Variants in CHTF18 observed in about 807,000 individuals in gnomAD.
CHTF18 encodes chromosome transmission fidelity protein 18 homolog.
A neutral mutation model predicts 113.4 loss-of-function variants in CHTF18; 151 were observed. The observed-to-expected ratio is 1.33, with a 90% CI of 1.17 to 1.52. The LOEUF (loss-of-function observed/expected upper bound fraction) is 1.52, where lower values mean the gene tolerates loss of function less well. Ranked by LOEUF, CHTF18 falls within the 40% of genes most tolerant of loss-of-function variation. CHTF18 has a pLI of 0.00. For synonymous variants in CHTF18, 916 were observed against 598.8 expected (o/e 1.53, Z -7.74); for missense variants, 1,982 against 1,381.6 (o/e 1.43, Z -6.89).
Position 793,223 on chromosome 16 carries a change from G to T in CHTF18, c.1751G>T (p.Arg584Ile). The change falls in exon 14 of 22, where the codon AGA (arginine) becomes ATA (isoleucine). Residue 584 changes from arginine to isoleucine, a missense_variant. Transcript: ENST00000262315. The stretch of plus-strand genomic sequence containing the variant: ...CGCGTGGGCCTCAAGGACCAGCGCA[G>T]AGGGCTCTTCTCGGTGTGGCAGGAG... ...ATRVGLKDQR[R>I]GLFSVWQEVF... The T allele has an allele frequency of 6.2e-7, 1 of 1,609,638 alleles. No homozygotes were observed.
rs755778143 is a variant in CHTF18, at chr16:796,045, G to A, written c.2424G>A (p.Thr808=). Reference sequence around the variant, plus strand: ...GCCTGACCTACCGCCAGGAGCGCACGCCCGATGGCCAGTACATCTACAGGC... The same window carrying A: ...GCCTGACCTACCGCCAGGAGCGCACACCCGATGGCCAGTACATCTACAGGC... ...AYSLTYRQER[T]PDGQYIYRLE... The change falls in exon 18 of 22, where the codon ACG becomes ACA. Residue 808 remains threonine, a synonymous_variant. Coordinates refer to ENST00000262315, the MANE Select transcript of CHTF18 (RefSeq NM_022092.3). 11 of 1,604,518 alleles carry A rather than the reference G, an allele frequency of 6.9e-6. No individual in the cohort carries two copies. Among genetic ancestry groups the A allele is most frequent in the Admixed American group, 1.7e-5 (1 of 59,130 alleles).
Position 792,340 on chromosome 16 carries a change from C to T in CHTF18, c.1319C>T (p.Ala440Val). Residue 440 changes from alanine (A) to valine (V), a missense_variant, in exon 10 of 22, where the codon GCC becomes GTC. Ala to Val is a moderately conservative substitution (Grantham distance 64). Transcript: ENST00000262315. ...NCLVIDEIDG[A>V]PVAAINVLLS... ...CTGGTCATCGATGAGATCGACGGGG[C>T]CCCCGTGGTGGGCTCCTTGATGCCT... 6.4e-6 allele frequency: 10 copies of T among 1,554,132 alleles called. No individual in the cohort carries two copies. The highest frequency in any genetic ancestry group is 5.2e-6 in the Non-Finnish European group (6 of 1,149,350).
rs372307395 is a variant in CHTF18, at chr16:797,828, T to C, written c.2792-11T>C. The C allele has an allele frequency of 5.0e-6, 8 of 1,597,788 alleles. No homozygotes were observed. The African/African-American group carries it at 6.7e-5, about 13-fold the overall frequency. ...GCCTTACAGCTGAGGAGCAACCCTG[T>C]GGCCCCGCAGGGGACACGGCCCCGG... is the stretch of plus-strand genomic sequence containing the variant. On this transcript the variant is annotated splice_polypyrimidine_tract_variant and intron_variant, in intron 21 of 21. Coordinates refer to ENST00000262315, the MANE Select transcript of CHTF18 (RefSeq NM_022092.3).
chr16:792,634 C>T (rs772465581), intron 11 of CHTF18, 44 bp downstream of exon 11: 6 of 1,590,904 alleles, frequency 3.8e-6, no homozygotes, highest in Non-Finnish European at 5.1e-6. Context: ...GGCTCTGGTG[C>T]CTGGAGGGAG....
At chr16:796,362 T>G (rs1187486669) in intron 18 of CHTF18, among the ~76,000 whole-genome samples, 2 of 151,880 alleles carry the variant, frequency 1.3e-5, no homozygotes, top group Admixed American at 6.5e-5. Flanking sequence ...TTTCCAACAC[T>G]CCGTTTCCCG....
In CHTF18 at chr16:796,693, C is replaced by G. The variant is rs766015037; in HGVS notation, c.2457-24C>G. On this transcript the variant is annotated intron_variant, in intron 18 of 21. Transcript: ENST00000262315. Reference sequence around the variant, plus strand: ...CTGAGCCTGGCCCCGCTGACCTGCCCTGGTGTCCCCCTGTGCTGAGCAGGA... The same window carrying G: ...CTGAGCCTGGCCCCGCTGACCTGCCGTGGTGTCCCCCTGTGCTGAGCAGGA... 34 of 1,574,086 alleles carry G rather than the reference C, an allele frequency of 2.2e-5. 1 individual carries two copies. In the South Asian group the frequency reaches 2.7e-4, roughly 12 times the overall value.
In CHTF18 at chr16:789,110, G is replaced by T. The variant is rs1258060862; in HGVS notation, c.271G>T (p.Gly91Trp). Residue 91 changes from glycine to tryptophan, a missense_variant, in exon 2 of 22, where the codon GGG (glycine) becomes TGG (tryptophan). By Grantham distance (184) the Gly-to-Trp change is radical. Coordinates refer to ENST00000262315, the MANE Select transcript of CHTF18 (RefSeq NM_022092.3). ...RQVDADLQPA[G>W]SLPHAPRIKR... ...GGTGGACGCCGACCTGCAGCCGGCC[G>T]GGTCCCTGCCCCACGGTAGGTTGGC... 4 of 1,534,870 alleles carry T rather than the reference G, an allele frequency of 2.6e-6. No individual in the cohort carries two copies. In the Admixed American group the frequency reaches 8.2e-5, roughly 31 times the overall value.
Position 792,584 on chromosome 16 carries a change from A to G in CHTF18, c.1472A>G (p.Asn491Ser), listed in dbSNP as rs749371598. The G allele has an allele frequency of 1.8e-5, 29 of 1,595,442 alleles. No individual in the cohort carries two copies. The highest frequency in any genetic ancestry group is 2.3e-5 in the Non-Finnish European group (27 of 1,174,536). ...LLMRPIICIC[N>S]DQFAPSLRQL... ...ATGAGGCCCATTATCTGCATTTGCA[A>G]TGACCAGTGAGTGCATGGGCGGGCG... Residue 491 changes from asparagine to serine, a missense_variant, in exon 11 of 22, where the codon AAT becomes AGT. Coordinates refer to ENST00000262315, the MANE Select transcript of CHTF18 (RefSeq NM_022092.3).
At chr16:792,141 G>T in intron 9 of CHTF18, 83 bp from the exon 10 acceptor site, 3 of 1,524,736 alleles carry the variant, frequency 2.0e-6, no homozygotes, top group Non-Finnish European at 2.6e-6. Flanking sequence ...CGGTCTCCAC[G>T]CAAATGCGGC....
intron 18 of CHTF18, 200 bp from the exon 19 acceptor site, chr16:796,517 C>T (rs2042352190): frequency 6.4e-6 from 4 of 622,372 alleles, no homozygotes; most frequent in African/African-American, 1.9e-5. Flanking sequence ...ATCCCACGTA[C>T]ACTTGCAGTT....
At chr16:793,814 C>T in intron 14 of CHTF18, 1 of 651,974 alleles carries the variant, frequency 1.5e-6, no homozygotes, top group Non-Finnish European at 2.7e-6. Context: ...TCCCCTAACC[C>T]CAGAGGGTCA....
At chr16:791,679 T>G (rs2042200059) in intron 8 of CHTF18, 172 bp from the exon 9 acceptor site, 3 of 1,427,776 alleles carry the variant, frequency 2.1e-6, no homozygotes, top group Non-Finnish European at 2.7e-6. Flanking sequence ...AGGTTTTTTT[T>G]TCCGTTGCCA....
At position 797,888 on chromosome 16, in the gene CHTF18, G is replaced by T; in HGVS notation, c.2841G>T (p.Ala947=). 1 of 1,610,902 alleles carries T rather than the reference G, an allele frequency of 6.2e-7. No individual in the cohort carries two copies. The highest frequency in any genetic ancestry group is 8.5e-7 in the Non-Finnish European group (1 of 1,179,168). Residue 947 remains alanine (A), a synonymous_variant, in exon 22 of 22, where the codon GCG becomes GCT. Coordinates refer to ENST00000262315, the MANE Select transcript of CHTF18 (RefSeq NM_022092.3). ...QDSVERRMGT[A]VGRSEVWFRF... ...CAGTGGAGCGGCGCATGGGCACAGC[G>T]GTGGGCAGGAGCGAGGTCTGGTTCC...
In CHTF18 at chr16:795,732, G is replaced by C. The variant is rs1373983074; in HGVS notation, c.2223G>C (p.Val741=). The change falls in exon 17 of 22, where the codon GTG becomes GTC. Residue 741 remains valine, a synonymous_variant. Coordinates refer to ENST00000262315, the MANE Select transcript of CHTF18 (RefSeq NM_022092.3). ...TGAGGAACCTGATCCAGACGCTGGT[G>C]TCCGGCATCGCGCCAGCCACGCGCA... ...SQMRNLIQTL[V]SGIAPATRSR... is the part of the protein sequence containing the mutation. 15 of 1,607,522 alleles carry C rather than the reference G, an allele frequency of 9.3e-6. No individual in the cohort carries two copies. Among genetic ancestry groups the C allele is most frequent in the Non-Finnish European group, 1.3e-5 (15 of 1,178,394 alleles).
At chr16:791,401 A>G in intron 8 of CHTF18, 31 bp downstream of exon 8, 2 of 1,569,768 alleles carry the variant, frequency 1.3e-6, no homozygotes, top group Non-Finnish European at 1.7e-6. Flanking sequence ...CGCCGGGAAC[A>G]AGCCTGAGGC....
chr16:795,719 T>A lies in CHTF18; in HGVS notation c.2210T>A (p.Ile737Asn). The A allele has an allele frequency of 1.2e-6, 2 of 1,605,132 alleles. No individual in the cohort carries two copies. Among genetic ancestry groups the A allele is most frequent in the Non-Finnish European group, 1.7e-6 (2 of 1,177,710 alleles). Residue 737 changes from isoleucine (I) to asparagine (N), a missense_variant, in exon 17 of 22, where the codon ATC becomes AAC. Coordinates refer to ENST00000262315, the MANE Select transcript of CHTF18 (RefSeq NM_022092.3). ...CGGATGAGCCAGATGAGGAACCTGA[T>A]CCAGACGCTGGTGTCCGGCATCGCG... ...QNRMSQMRNL[I>N]QTLVSGIAPA...
In CHTF18 at chr16:795,125, C is replaced by T. The variant is rs1447004156; in HGVS notation, c.1951-7C>T. On this transcript the variant is annotated splice_region_variant and splice_polypyrimidine_tract_variant and intron_variant, in intron 15 of 21. Transcript: ENST00000262315. ...GCAGGAGCTCAGGGGTTGCCGGCCGCCTGCAGGGCTTGTTTGACAACTTCC... is the reference window on the plus strand; with the variant it reads ...GCAGGAGCTCAGGGGTTGCCGGCCGTCTGCAGGGCTTGTTTGACAACTTCC... 2 of 1,541,218 alleles carry T rather than the reference C, an allele frequency of 1.3e-6. No homozygotes were observed. Among genetic ancestry groups the T allele is most frequent in the African/African-American group, 1.4e-5 (1 of 72,856 alleles).
rs17850062 is a variant in CHTF18 at position 795,248 on chromosome 16, C to T, written c.2067C>T (p.Ser689=). ...DDLLAGAAHH[S]QSFQLLRYPP... Reference sequence around the variant, plus strand: ...TGCTGGCGGGGGCTGCTCATCACAGCCAGAGCTTCCAGCTGCTGCGCTACC... The same window carrying T: ...TGCTGGCGGGGGCTGCTCATCACAGTCAGAGCTTCCAGCTGCTGCGCTACC... The change falls in exon 16 of 22, where the codon AGC becomes AGT. Residue 689 remains serine, a synonymous_variant. Transcript: ENST00000262315. 39,930 of 1,549,490 alleles carry T rather than the reference C, an allele frequency of 0.026. 626 individuals are homozygous for T. The highest frequency in any genetic ancestry group is 0.03 in the Non-Finnish European group (34,442 of 1,146,916).
chr16:790,329 A>G lies in CHTF18; in HGVS notation c.700-18A>G, dbSNP rs746029057. ...GGGCCGCCTGAGCCCTCCTGATTCC[A>G]GCCTGTTGTTTGCACAGCGGCGGGA... On this transcript the variant is annotated intron_variant, in intron 5 of 21. Transcript: ENST00000262315. 1 of 1,612,332 alleles carries G rather than the reference A, an allele frequency of 6.2e-7. No homozygotes were observed. Among genetic ancestry groups the G allele is most frequent in the African/African-American group, 1.3e-5 (1 of 75,054 alleles).
Sources: allele counts gnomAD v4.1 joint callset (sites outside exome capture counted in the v4.1 genomes callset), GRCh38; gene constraint gnomAD v4.1.1; transcripts MANE v1.5; gene names NCBI Gene and HGNC (gene_info 2026-07-23, HGNC 2026-07-21).